VAV2: variants seen among roughly 807,000 people sequenced by gnomAD.
The protein encoded by VAV2 is vav guanine nucleotide exchange factor 2, also known as guanine nucleotide exchange factor VAV2.
In VAV2, 67 loss-of-function variants were observed where a neutral mutation model predicts 132.5. The ratio of observed to expected loss-of-function variants is 0.51; its 90% confidence interval spans 0.42 to 0.62. VAV2 has a LOEUF of 0.62. Ranked by LOEUF, VAV2 falls within the 20% of genes least tolerant of loss-of-function variation. The pLI, the probability that VAV2 is intolerant of heterozygous loss-of-function variation, is 0.00. For synonymous variants in VAV2, 492 were observed against 443.5 expected (o/e 1.11, Z -1.37); for missense variants, 938 against 1,153.6 (o/e 0.81, Z 2.71).
intron 1 of VAV2, among the ~76,000 whole-genome samples, chr9:133,980,647 A>G (rs1842664009): frequency 6.6e-6 from 1 of 152,182 alleles, no homozygotes; most frequent in Non-Finnish European, 1.5e-5. Context: ...CATCCCCTGC[A>G]AGGCAGAGGG....
intron 25 of VAV2, among the ~76,000 whole-genome samples, chr9:133,773,563 C>T (rs1588156048): frequency 1.3e-5 from 2 of 152,170 alleles, no homozygotes; most frequent in East Asian, 3.8e-4. Context: ...GGTAATAATA[C>T]TTAGCTTAAA....
At chr9:133,986,919 C>A (rs1338599520) in intron 1 of VAV2, among the ~76,000 whole-genome samples, 1 of 152,124 alleles carries the variant, frequency 6.6e-6, no homozygotes, top group Non-Finnish European at 1.5e-5. Flanking sequence ...CTCATGAGAG[C>A]AGGGACAGCC....
chr9:133,781,118 T>C (rs1833993509), intron 19 of VAV2, among the ~76,000 whole-genome samples: 1 of 127,708 alleles, frequency 7.8e-6, no homozygotes, highest in Admixed American at 8.1e-5. Flanking sequence ...TGAGGAAGCA[T>C]TGGTATGCAT....
chr9:133,946,900 G>A (rs1440080816), intron 1 of VAV2, among the ~76,000 whole-genome samples: 1 of 152,186 alleles, frequency 6.6e-6, no homozygotes, highest in African/African-American at 2.4e-5. Flanking sequence ...ACGGAGACAG[G>A]AGCTGACGCC....
At chr9:133,868,272 C>T (rs1209585808) in intron 2 of VAV2, among the ~76,000 whole-genome samples, 7 of 152,240 alleles carry the variant, frequency 4.6e-5, no homozygotes, top group Admixed American at 4.6e-4. Flanking sequence ...CACAGCACAG[C>T]AGGCACCGCA....
In VAV2 at chr9:133,830,596, G is replaced by A. The variant is rs1166953895; in HGVS notation, c.449+3676C>T. 3.3e-5 allele frequency among the ~76,000 whole-genome samples: 5 copies of A among 152,132 alleles called. No individual in the cohort carries two copies. In the South Asian group the frequency reaches 8.3e-4, roughly 25 times the overall value. On this transcript the variant is annotated intron_variant, in intron 4 of 29. Coordinates refer to ENST00000371850, the MANE Select transcript of VAV2 (RefSeq NM_001134398.2). ...TTTCCTGGGGCCTCCCCAGTCCGGT[G>A]GAACTGAGTCAACTAAACCTCTTTC...
rs780115758 is a variant in VAV2, at chr9:133,928,646, A to G, written c.321+10457T>C. Among the ~76,000 whole-genome samples the G allele has an allele frequency of 6.6e-6, 1 of 152,206 alleles. No homozygotes were observed. The highest frequency in any genetic ancestry group is 1.5e-5 in the Non-Finnish European group (1 of 68,038). On this transcript the variant is annotated intron_variant, in intron 2 of 29. Transcript: ENST00000371850. This position sits in a 1 kb window ranked among gnomAD's most constrained non-coding sequence, Gnocchi z 5.4. ...GAAGAGGAAATGAACAAACACATGC[A>G]GCCTCGGGGCCTGGGTGTGGAGATA...
intron 2 of VAV2, among the ~76,000 whole-genome samples, chr9:133,927,456 G>A (rs953707691): frequency 3.9e-5 from 6 of 152,168 alleles, no homozygotes; most frequent in African/African-American, 1.2e-4. Flanking sequence ...CTCTTGTCCC[G>A]ATTCCACGGG....
intron 2 of VAV2, among the ~76,000 whole-genome samples, chr9:133,878,480 G>A (rs1838355008): frequency 6.6e-6 from 1 of 152,198 alleles, no homozygotes; most frequent in South Asian, 2.1e-4. Context: ...TGTGAGATGG[G>A]GGCAGCGGCA....
At chr9:133,964,048 T>TATATACATATATATATATATATAC (rs1483475230) in intron 1 of VAV2, among the ~76,000 whole-genome samples, 1 of 80,484 alleles carries the variant, frequency 1.2e-5, no homozygotes, top group African/African-American at 3.6e-5. Flanking sequence ...TATATATATA[T>TATATACATATATATATATATATAC]ACATATATAT....
chr9:133,777,756 A>T (rs1452386386), intron 22 of VAV2, among the ~76,000 whole-genome samples: 2 of 152,034 alleles, frequency 1.3e-5, no homozygotes, highest in Non-Finnish European at 2.9e-5. Flanking sequence ...AGCAGGACTG[A>T]TACTCTGCAC....
intron 1 of VAV2, among the ~76,000 whole-genome samples, chr9:133,964,309 G>GATAT (rs10530876): frequency 1.3e-5 from 2 of 148,374 alleles, no homozygotes; most frequent in South Asian, 2.1e-4. Flanking sequence ...AGTGAGCCCT[G>GATAT]ATATATATAT....
At chr9:133,868,700 G>A (rs562532619) in intron 2 of VAV2, among the ~76,000 whole-genome samples, 4 of 152,336 alleles carry the variant, frequency 2.6e-5, no homozygotes, top group African/African-American at 4.8e-5. Flanking sequence ...CCCCTGAAGG[G>A]TCCCGCCATC....
chr9:133,857,148 T>C lies in VAV2; in HGVS notation c.380+4226A>G, dbSNP rs1258245553. Among the ~76,000 whole-genome samples, 1 of 152,130 alleles carries C rather than the reference T, an allele frequency of 6.6e-6. No homozygotes were observed. The highest frequency in any genetic ancestry group is 2.4e-5 in the African/African-American group (1 of 41,426). Reference sequence around the variant, plus strand: ...GTTTCCTTCTCAGGAAGTCCTACCCTTCACCATCTCCTCCCTCCCAGCCGT... The same window carrying C: ...GTTTCCTTCTCAGGAAGTCCTACCCCTCACCATCTCCTCCCTCCCAGCCGT... On this transcript the variant is annotated intron_variant, in intron 3 of 29. Transcript: ENST00000371850. This position sits in a 1 kb window ranked among gnomAD's most constrained non-coding sequence, Gnocchi z 4.0.
chr9:133,925,102 G>A (rs934785464), intron 2 of VAV2, among the ~76,000 whole-genome samples: 1 of 152,248 alleles, frequency 6.6e-6, no homozygotes, highest in Non-Finnish European at 1.5e-5. Flanking sequence ...TCAGGGTGAT[G>A]AAAAAATTCC....
chr9:133,901,606 G>A (rs1354825034), intron 2 of VAV2, among the ~76,000 whole-genome samples: 2 of 152,212 alleles, frequency 1.3e-5, no homozygotes, highest in African/African-American at 4.8e-5. Context: ...TGAGCCGCAG[G>A]GGCCTCTCCT....
chr9:133,858,421 T>G (rs560900726), intron 3 of VAV2, among the ~76,000 whole-genome samples: 1 of 152,314 alleles, frequency 6.6e-6, no homozygotes, highest in Admixed American at 6.5e-5. Flanking sequence ...CTGAGCACTA[T>G]GCAGAAGGCT....
Position 133,969,217 on chromosome 9 carries a change from G to A in VAV2, c.204+22858C>T, listed in dbSNP as rs557146506. 6.6e-6 allele frequency among the ~76,000 whole-genome samples: 1 copy of A among 152,150 alleles called. No individual in the cohort carries two copies. The highest frequency in any genetic ancestry group is 6.5e-5 in the Admixed American group (1 of 15,296). Reference sequence around the variant, plus strand: ...GTGCCCGCCGGGCCTGCGAGGACGAGCCTCTGCACCTGCTTCCCTCCTGCC... The same window carrying A: ...GTGCCCGCCGGGCCTGCGAGGACGAACCTCTGCACCTGCTTCCCTCCTGCC... On this transcript the variant is annotated intron_variant, in intron 1 of 29. Transcript: ENST00000371850. The surrounding 1 kb of genome is among the most constrained non-coding windows in gnomAD (Gnocchi z 5.1).
At chr9:133,773,875 CTA>C (rs1261824078) in intron 25 of VAV2, among the ~76,000 whole-genome samples, 1 of 152,214 alleles carries the variant, frequency 6.6e-6, no homozygotes, top group Non-Finnish European at 1.5e-5. Context: ...TCCTATGCTT[CTA>C]TATGACTGGC....
Sources: allele counts gnomAD v4.1 joint callset (sites outside exome capture counted in the v4.1 genomes callset), GRCh38; gene constraint gnomAD v4.1.1; non-coding constraint Gnocchi (gnomAD v3.1); transcripts MANE v1.5; gene names NCBI Gene and HGNC (gene_info 2026-07-23, HGNC 2026-07-21).